The following MSANTD3 variants were observed in gnomAD, a reference collection of about 807,000 sequenced individuals.
MSANTD3 encodes the protein myb/SANT-like DNA-binding domain-containing protein 3.
In MSANTD3, 11 loss-of-function variants were observed where a neutral mutation model predicts 27.7. That is an observed-to-expected ratio of 0.40 (90% CI 0.25 to 0.66). MSANTD3 has a LOEUF of 0.66. Among genes scored for constraint, MSANTD3 ranks in the 30% least tolerant of loss-of-function variants. MSANTD3 has a pLI of 0.41. For synonymous variants in MSANTD3, 131 were observed against 127.2 expected (o/e 1.03, Z -0.20); for missense variants, 250 against 336.5 (o/e 0.74, Z 2.01).
intron 1 of MSANTD3, among the ~76,000 whole-genome samples, chr9:100,438,096 C>T (rs139118377): frequency 1.3e-5 from 2 of 152,192 alleles, no homozygotes; most frequent in Non-Finnish European, 2.9e-5. Flanking sequence ...GGAAGAATTA[C>T]ATTGCTTGGA....
intron 1 of MSANTD3, among the ~76,000 whole-genome samples, chr9:100,431,487 G>A (rs190498661): frequency 3.2e-4 from 48 of 151,294 alleles, no homozygotes; most frequent in African/African-American, 1.1e-3. Context: ...TTTATTTTTA[G>A]AGATGGAGTA....
At chr9:100,440,007 CA>C (rs1331575596) in intron 1 of MSANTD3, among the ~76,000 whole-genome samples, 1 of 152,124 alleles carries the variant, frequency 6.6e-6, no homozygotes, top group Non-Finnish European at 1.5e-5. Flanking sequence ...TGCTTAGCTA[CA>C]TTTTTGCCGT....
intron 1 of MSANTD3, among the ~76,000 whole-genome samples, chr9:100,433,243 T>A (rs1836410474): frequency 6.6e-6 from 1 of 152,222 alleles, no homozygotes; most frequent in Non-Finnish European, 1.5e-5. Flanking sequence ...GTAAGAGGAT[T>A]AGATTGAGGT....
intron 1 of MSANTD3, among the ~76,000 whole-genome samples, chr9:100,439,004 A>C (rs547712891): frequency 1.9e-4 from 29 of 152,302 alleles, no homozygotes; most frequent in African/African-American, 7.0e-4. Context: ...ACCACCTTTG[A>C]CATGTGTCCG....
chr9:100,440,663 T>C (rs1351573717), intron 1 of MSANTD3, among the ~76,000 whole-genome samples: 1 of 149,590 alleles, frequency 6.7e-6, no homozygotes, highest in South Asian at 2.1e-4. Context: ...CAAACATGGC[T>C]CACTGTAGCC....
intron 2 of MSANTD3, chr9:100,448,323 GAA>G: frequency 7.1e-6 from 7 of 984,894 alleles, no homozygotes; most frequent in Non-Finnish European, 8.4e-6. Flanking sequence ...AAATCAAAGA[GAA>G]AAGAGACTAG....
Position 100,442,259 on chromosome 9 carries a change from G to T in MSANTD3, c.321G>T (p.Gly107=). ...CTCTCCTGAGTACCCACGTCCTAGG[G>T]AAGGAGAAGATCGCCAGCATGCTGC... ...VSPLLSTHVL[G]KEKIASMLPE... Residue 107 remains glycine, a synonymous_variant, in exon 2 of 3, where the codon GGG becomes GGT. Coordinates refer to ENST00000395067, the MANE Select transcript of MSANTD3 (RefSeq NM_080655.3). 1 of 1,614,164 alleles carries T rather than the reference G, an allele frequency of 6.2e-7. No individual in the cohort carries two copies. Among genetic ancestry groups the T allele is most frequent in the East Asian group, 2.2e-5 (1 of 44,876 alleles).
At chr9:100,447,752 G>A (rs1836788492) in intron 2 of MSANTD3, among the ~76,000 whole-genome samples, 1 of 152,176 alleles carries the variant, frequency 6.6e-6, no homozygotes, top group African/African-American at 2.4e-5. Flanking sequence ...ATAGGGTAAG[G>A]ATTAGATGAG....
intron 2 of MSANTD3, among the ~76,000 whole-genome samples, chr9:100,446,257 G>A (rs1181330454): frequency 6.6e-6 from 1 of 152,020 alleles, no homozygotes; most frequent in South Asian, 2.1e-4. Context: ...CTAATCTTTG[G>A]GGGTGAGATC....
intron 1 of MSANTD3, among the ~76,000 whole-genome samples, 172 bp from the exon 2 acceptor site, chr9:100,441,734 C>G: frequency 6.6e-6 from 1 of 152,210 alleles, no homozygotes; most frequent in East Asian, 1.9e-4. Context: ...AACCCCATTC[C>G]TAGTACATTT....
At chr9:100,448,528 C>T in intron 2 of MSANTD3, 1 of 985,418 alleles carries the variant, frequency 1.0e-6, no homozygotes, top group Non-Finnish European at 1.2e-6. Context: ...GTTCCTTCTC[C>T]ATGGTTGGGC....
At chr9:100,450,507 T>TC in intron 2 of MSANTD3, 50 bp from the exon 3 acceptor site, 1 of 1,467,082 alleles carries the variant, frequency 6.8e-7, no homozygotes, top group Non-Finnish European at 9.1e-7. Flanking sequence ...TTTTTTTTTT[T>TC]CTCTGCCTGT....
intron 2 of MSANTD3, chr9:100,445,152 C>G (rs1331198339): frequency 6.5e-7 from 1 of 1,547,662 alleles, no homozygotes; most frequent in Admixed American, 1.7e-5. Context: ...GTTCATTTCA[C>G]TCATTTTGCA....
intron 2 of MSANTD3, chr9:100,448,566 C>T (rs1274427648): frequency 5.1e-6 from 5 of 985,252 alleles, no homozygotes; most frequent in Admixed American, 6.2e-5. Context: ...ACCCACTGCA[C>T]GTAATTCACC....
chr9:100,447,780 T>C (rs2118124660), intron 2 of MSANTD3, among the ~76,000 whole-genome samples: 1 of 152,368 alleles, frequency 6.6e-6, no homozygotes, highest in South Asian at 2.1e-4. Context: ...TATAAAGCAC[T>C]AGCCTAGGAC....
At chr9:100,431,931 A>G (rs1313751354) in intron 1 of MSANTD3, among the ~76,000 whole-genome samples, 1 of 152,196 alleles carries the variant, frequency 6.6e-6, no homozygotes, top group Non-Finnish European at 1.5e-5. Flanking sequence ...TCTGTGGAAG[A>G]TACCTTAATA....
At chr9:100,431,474 A>G (rs1322034544) in intron 1 of MSANTD3, among the ~76,000 whole-genome samples, 1 of 149,022 alleles carries the variant, frequency 6.7e-6, no homozygotes, top group South Asian at 2.1e-4. Context: ...TAATTTTTTA[A>G]TTTTTATTTT....
At chr9:100,445,358 A>G (rs1419064417) in intron 2 of MSANTD3, 5 of 634,718 alleles carry the variant, frequency 7.9e-6, no homozygotes, top group Non-Finnish European at 2.8e-6. Flanking sequence ...GTCACAAGCC[A>G]CATGAGGCTC....
At chr9:100,441,000 A>G (rs528761727) in intron 1 of MSANTD3, among the ~76,000 whole-genome samples, 41 of 135,216 alleles carry the variant, frequency 3.0e-4, no homozygotes, top group African/African-American at 1.1e-3. Flanking sequence ...CAGTGGCACG[A>G]TCTTGGCTCA....
Sources: allele counts gnomAD v4.1 joint callset (sites outside exome capture counted in the v4.1 genomes callset), GRCh38; gene constraint gnomAD v4.1.1; transcripts MANE v1.5; gene names NCBI Gene and HGNC (gene_info 2026-07-23, HGNC 2026-07-21).